MDM2: variants seen among roughly 807,000 people sequenced by gnomAD.
MDM2 encodes the protein MDM2 proto-oncogene.
A neutral mutation model predicts 64.3 loss-of-function variants in MDM2; 11 were observed. The ratio of observed to expected loss-of-function variants is 0.17; its 90% CI spans 0.11 to 0.28. The LOEUF (loss-of-function observed/expected upper bound fraction) is 0.28, where lower values mean the gene tolerates loss of function less well. MDM2 is among the 10% of genes least tolerant of loss of function. The probability of loss-of-function intolerance (pLI) is 1.00; values close to 1 mark genes in which losing one functional copy is unlikely to be tolerated. For synonymous variants in MDM2, 194 were observed against 192.9 expected (o/e 1.01, Z -0.05); for missense variants, 388 against 577.1 (o/e 0.67, Z 3.36).
intron 8 of MDM2, among the ~76,000 whole-genome samples, chr12:68,830,967 T>C (rs1266478361): frequency 6.6e-6 from 1 of 152,120 alleles, no homozygotes; most frequent in Non-Finnish European, 1.5e-5. Flanking sequence ...TCCCAAAGTG[T>C]TGGGATTACA....
intron 2 of MDM2, among the ~76,000 whole-genome samples, chr12:68,809,781 T>G (rs1463873292): frequency 6.6e-6 from 1 of 152,234 alleles, no homozygotes; most frequent in Non-Finnish European, 1.5e-5. Context: ...TTGTCCTGTT[T>G]GTTGTACTAA....
chr12:68,847,452 C>CTTTTTTTTTTTTTT (rs772905678), downstream of MDM2: 78 of 88,694 alleles, frequency 8.8e-4, 17 homozygotes, highest in African/African-American at 4.0e-3. Context: ...TATCTCCTTT[C>CTTTTTTTTTTTTTT]TTTTTTTTTT....
chr12:68,829,147 T>C (rs1401093638), intron 8 of MDM2, among the ~76,000 whole-genome samples: 1 of 152,176 alleles, frequency 6.6e-6, no homozygotes, highest in African/African-American at 2.4e-5. Context: ...AACACCGGTA[T>C]TGGTAAAATT....
intron 1 of MDM2, 72 bp from the exon 2 acceptor site, chr12:68,809,136 T>C (rs1376572612): frequency 1.3e-6 from 2 of 1,592,372 alleles, no homozygotes; most frequent in African/African-American, 2.7e-5. Flanking sequence ...GTTTATGTTC[T>C]TTATATATGA....
In MDM2 at chr12:68,809,332, A is replaced by G. The variant is rs1206276352; in HGVS notation, c.99+40A>G. The G allele has an allele frequency of 2.6e-6, 4 of 1,564,700 alleles. No individual in the cohort carries two copies. The South Asian group carries it at 4.5e-5, about 17-fold the overall frequency. On this transcript the variant is annotated intron_variant, in intron 2 of 10. Coordinates refer to ENST00000258149, the MANE Select transcript of MDM2 (RefSeq NM_002392.6). ...CTCGTGTAACTTTTAAGAATAATTTATTTTATGAAGTGATAAACTAAATTT... is the reference window on the plus strand; with the variant it reads ...CTCGTGTAACTTTTAAGAATAATTTGTTTTATGAAGTGATAAACTAAATTT...
At chr12:68,810,192 A>G (rs56317529) in intron 2 of MDM2, among the ~76,000 whole-genome samples, 6 of 151,936 alleles carry the variant, frequency 3.9e-5, no homozygotes, top group Admixed American at 3.9e-4. Context: ...CGCGCCTATA[A>G]TCCCCTGCTG....
chr12:68,825,674 G>C (rs1025975211), intron 7 of MDM2, among the ~76,000 whole-genome samples: 6 of 152,162 alleles, frequency 3.9e-5, no homozygotes, highest in African/African-American at 1.4e-4. Flanking sequence ...AGAGAAAATA[G>C]TTGACAGAGA....
chr12:68,835,875 A>G lies in MDM2; in HGVS notation c.731A>G (p.Gln244Arg), dbSNP rs1883268134. The G allele has an allele frequency of 6.2e-7, 1 of 1,613,626 alleles. No individual in the cohort carries two copies. The highest frequency in any genetic ancestry group is 8.5e-7 in the Non-Finnish European group (1 of 1,179,640). Reference sequence around the variant, plus strand: ...GAACATTCAGGTGATTGGTTGGATCAGGATTCAGTTTCAGATCAGTTTAGT... The same window carrying G: ...GAACATTCAGGTGATTGGTTGGATCGGGATTCAGTTTCAGATCAGTTTAGT... Reference protein sequence around the residue: ...VSEHSGDWLDQDSVSDQFSVE... With the variant: ...VSEHSGDWLDRDSVSDQFSVE... The change falls in exon 9 of 11, where the codon CAG (glutamine) becomes CGG (arginine). Residue 244 changes from glutamine to arginine, a missense_variant. By Grantham distance (43) the Gln-to-Arg change is conservative (BLOSUM62 1). Around this residue, in one of 5 missense-constraint regions of MDM2, gnomAD observed 168 missense variants for 236.6 expected, o/e 0.71. Transcript: ENST00000258149.
chr12:68,809,257 A>T lies in MDM2; in HGVS notation c.64A>T (p.Thr22Ser). The T allele has an allele frequency of 6.2e-7, 1 of 1,614,046 alleles. No homozygotes were observed. Among genetic ancestry groups the T allele is most frequent in the Non-Finnish European group, 8.5e-7 (1 of 1,180,008 alleles). Residue 22 changes from threonine (T) to serine (S), a missense_variant, in exon 2 of 11, where the codon ACC becomes TCC. By Grantham distance (58) the Thr-to-Ser change is moderately conservative. Transcript: ENST00000258149. The stretch of plus-strand genomic sequence containing the variant: ...TGTACCTACTGATGGTGCTGTAACC[A>T]CCTCACAGATTCCAGCTTCGGAACA... ...MSVPTDGAVTTSQIPASEQET... is the reference protein window; with the variant it reads ...MSVPTDGAVTSSQIPASEQET...
Position 68,839,514 on chromosome 12 carries a change from A to G in MDM2, c.1159A>G (p.Lys387Glu). 1 of 1,614,052 alleles carries G rather than the reference A, an allele frequency of 6.2e-7. No individual in the cohort carries two copies. The highest frequency in any genetic ancestry group is 8.5e-7 in the Non-Finnish European group (1 of 1,180,036). ...GTCATGTGTTGAGGAAAATGATGAT[A>G]AAATTACACAAGCTTCACAATCACA... The part of the protein sequence containing the change: ...RESCVEENDD[K>E]ITQASQSQES... The change falls in exon 11 of 11, where the codon AAA (lysine) becomes GAA (glutamate). Residue 387 changes from lysine to glutamate, a missense_variant. By Grantham distance (56) the Lys-to-Glu change is moderately conservative. Coordinates refer to ENST00000258149, the MANE Select transcript of MDM2 (RefSeq NM_002392.6).
Position 68,844,690 on chromosome 12 carries a change from G to A in MDM2, c.*4841G>A, listed in dbSNP as rs976141933. On this transcript the variant is annotated 3_prime_UTR_variant, in exon 11 of 11. Coordinates refer to ENST00000258149, the MANE Select transcript of MDM2 (RefSeq NM_002392.6). The stretch of plus-strand genomic sequence containing the variant: ...CTGGCTTTAAAGCAGGAGCTTGTGG[G>A]CCCCTAAGCCAGACGGGGACTAGCT... The A allele has an allele frequency of 4.5e-6, 1 of 222,592 alleles. No homozygotes were observed. The highest frequency in any genetic ancestry group is 9.0e-6 in the Non-Finnish European group (1 of 111,366). 13.8% of individuals were successfully genotyped at this position (222,592 alleles called of 1,614,324 possible). A position where few individuals can be genotyped will look rare whatever the true frequency, so the allele number is the denominator to read the frequency against.
At position 68,839,294 on chromosome 12, in the gene MDM2, A is replaced by G; in HGVS notation, c.939A>G (p.Ser313=). ...ISLADYWKCT[S]CNEMNPPLPS... is the part of the protein sequence containing the mutation. ...TGAAGGACTATTGGAAATGCACTTCATGCAATGAAATGAATCCCCCCCTTC... is the reference window on the plus strand; with the variant it reads ...TGAAGGACTATTGGAAATGCACTTCGTGCAATGAAATGAATCCCCCCCTTC... Residue 313 remains serine, a synonymous_variant, in exon 11 of 11, where the codon TCA becomes TCG. Coordinates refer to ENST00000258149, the MANE Select transcript of MDM2 (RefSeq NM_002392.6). 4 of 1,613,200 alleles carry G rather than the reference A, an allele frequency of 2.5e-6. No individual in the cohort carries two copies.
chr12:68,808,433 TG>T lies in MDM2; in HGVS notation c.-41del, dbSNP rs932272220. ...CTTCCGCGCGCCCCGTGAAGGAAACTGGGGAGTCTTGAGGGACCCCCGACTC... is the reference window on the plus strand; with the variant it reads ...CTTCCGCGCGCCCCGTGAAGGAAACTGGGAGTCTTGAGGGACCCCCGACTC... On this transcript the variant is annotated 5_prime_UTR_variant, in exon 1 of 11. Coordinates refer to ENST00000258149, the MANE Select transcript of MDM2 (RefSeq NM_002392.6). The T allele has an allele frequency of 6.2e-7, 1 of 1,613,762 alleles. No individual in the cohort carries two copies. Among genetic ancestry groups the T allele is most frequent in the Non-Finnish European group, 8.5e-7 (1 of 1,179,838 alleles).
At chr12:68,831,557 C>T (rs1366945559) in intron 8 of MDM2, among the ~76,000 whole-genome samples, 2 of 152,140 alleles carry the variant, frequency 1.3e-5, no homozygotes, top group Non-Finnish European at 2.9e-5. Context: ...GTTGGGTGGA[C>T]CCTCTTGCAT....
chr12:68,847,656 T>A (rs1348961207), downstream of MDM2: 1 of 151,644 alleles, frequency 6.6e-6, no homozygotes, highest in Non-Finnish European at 1.5e-5. Flanking sequence ...GGTTTCACCG[T>A]GTTAGCCAAG....
chr12:68,818,514 C>G (rs2136124743), intron 4 of MDM2, among the ~76,000 whole-genome samples: 1 of 148,488 alleles, frequency 6.7e-6, no homozygotes, highest in East Asian at 1.9e-4. Context: ...TAAATTTCAT[C>G]TAGCTTCTTA....
chr12:68,823,792 C>T (rs1253327178), intron 5 of MDM2, among the ~76,000 whole-genome samples: 2 of 152,170 alleles, frequency 1.3e-5, no homozygotes, highest in Admixed American at 1.3e-4. Flanking sequence ...TGAGTGGCTG[C>T]AACATCGCAT....
intron 7 of MDM2, among the ~76,000 whole-genome samples, chr12:68,825,081 A>G (rs1387811225): frequency 6.6e-6 from 1 of 152,032 alleles, no homozygotes; most frequent in Non-Finnish European, 1.5e-5. Context: ...CTGGTGGCGC[A>G]CACTTGTAAT....
chr12:68,824,132 C>G lies in MDM2; in HGVS notation c.359-231C>G, dbSNP rs199615169. On this transcript the variant is annotated intron_variant, in intron 5 of 10. Transcript: ENST00000258149. ...CCTGTCTCTCTGCTAATTTATCTAACAGTCTTTTAATGTCTTGATTATACT... is the reference window on the plus strand; with the variant it reads ...CCTGTCTCTCTGCTAATTTATCTAAGAGTCTTTTAATGTCTTGATTATACT... 2.5e-5 allele frequency: 5 copies of G among 200,592 alleles called. No homozygotes were observed. Among genetic ancestry groups the G allele is most frequent in the African/African-American group, 5.0e-5 (2 of 40,220 alleles). 12.4% of individuals were successfully genotyped at this position (200,592 alleles called of 1,614,324 possible).
Sources: allele counts gnomAD v4.1 joint callset (sites outside exome capture counted in the v4.1 genomes callset), GRCh38; gene constraint gnomAD v4.1.1; regional missense constraint gnomAD v4.1.1; transcripts MANE v1.5; gene names NCBI Gene and HGNC (gene_info 2026-07-23, HGNC 2026-07-21).